The following SFTPA2 variants were observed in gnomAD, a reference collection of about 807,000 sequenced individuals.
The protein encoded by SFTPA2 is surfactant protein A2.
Under a neutral mutation model 20.3 loss-of-function variants are expected in SFTPA2, and 21 were observed. That is an observed-to-expected ratio of 1.03 (90% CI 0.73 to 1.49). The LOEUF (loss-of-function observed/expected upper bound fraction) is 1.49. SFTPA2 is among the 40% of genes most tolerant of loss of function. SFTPA2 has a pLI of 0.00. For synonymous variants in SFTPA2, 116 were observed against 118.7 expected (o/e 0.98, Z 0.15); for missense variants, 302 against 314.8 (o/e 0.96, Z 0.31).
rs17884561 is a variant in SFTPA2 at position 79,556,418 on chromosome 10, G to T, written c.*791C>A. 6,063 of 160,648 alleles carry T rather than the reference G, an allele frequency of 0.038. 427 individuals carry two copies. Among genetic ancestry groups the T allele is most frequent in the African/African-American group, 0.14 (5,700 of 41,550 alleles). The allele number at this position is 160,648 out of a possible 1,614,324, so 10.0% of individuals were successfully genotyped here. A position where few individuals can be genotyped will look rare whatever the true frequency, so the allele number is the denominator to read the frequency against. Reference sequence around the variant, plus strand: ...AGTGGAGCCGGTGGCATGGGGGGTGGTGTGAATGCCCACCGAGGTCTGAAG... The same window carrying T: ...AGTGGAGCCGGTGGCATGGGGGGTGTTGTGAATGCCCACCGAGGTCTGAAG... On this transcript the variant is annotated 3_prime_UTR_variant, in exon 6 of 6. Transcript: ENST00000372325.
Position 79,557,053 on chromosome 10 carries a change from T to A in SFTPA2, c.*156A>T. On this transcript the variant is annotated 3_prime_UTR_variant, in exon 6 of 6. Coordinates refer to ENST00000372325, the MANE Select transcript of SFTPA2 (RefSeq NM_001098668.4). Reference sequence around the variant, plus strand: ...GATTATGGGGAAGAGTCAGGGCCCATCAGGGGAATGAAGTGGCTAAGGGTG... The same window carrying A: ...GATTATGGGGAAGAGTCAGGGCCCAACAGGGGAATGAAGTGGCTAAGGGTG... 1 of 1,253,770 alleles carries A rather than the reference T, an allele frequency of 8.0e-7. No homozygotes were observed. Among genetic ancestry groups the A allele is most frequent in the Admixed American group, 2.1e-5 (1 of 47,504 alleles). The allele number at this position is 1,253,770 out of a possible 1,614,324, so 77.7% of individuals were successfully genotyped here.
Position 79,560,009 on chromosome 10 carries a change from A to C in SFTPA2, c.-53-11T>G. 1.7e-6 allele frequency: 2 copies of C among 1,163,204 alleles called. No individual in the cohort carries two copies. Among genetic ancestry groups the C allele is most frequent in the Non-Finnish European group, 1.1e-6 (1 of 937,902 alleles). 72.1% of individuals were successfully genotyped at this position (1,163,204 alleles called of 1,614,324 possible). A position where few individuals can be genotyped will look rare whatever the true frequency, so the allele number is the denominator to read the frequency against. On this transcript the variant is annotated splice_polypyrimidine_tract_variant and intron_variant, in intron 1 of 5. Coordinates refer to ENST00000372325, the MANE Select transcript of SFTPA2 (RefSeq NM_001098668.4). ...CAAGAAATCAGCGACCTGAGAATGA[A>C]AAGAGATGAATAGGGCCCACAGCCT...
chr10:79,557,319 G>A lies in SFTPA2; in HGVS notation c.637C>T (p.Arg213Ter), dbSNP rs149750535. ...GTPVNYTNWY[R>*]GEPAGRGKEQ... is the part of the protein sequence containing the mutation. ...TTTCCCCGACCTGCAGGCTCCCCTCGGTACCAGTTGGTGTAGTTTACAGGG... is the reference window on the plus strand; with the variant it reads ...TTTCCCCGACCTGCAGGCTCCCCTCAGTACCAGTTGGTGTAGTTTACAGGG... Residue 213 changes from arginine (R) to a stop codon, truncating the protein, a stop_gained, in exon 6 of 6, where the codon CGA (arginine) becomes TGA (stop). Coordinates refer to ENST00000372325, the MANE Select transcript of SFTPA2 (RefSeq NM_001098668.4). LOFTEE classifies it high-confidence loss of function. 1.6e-4 allele frequency: 259 copies of A among 1,613,314 alleles called. 2 individuals carry two copies. The highest frequency in any genetic ancestry group is 8.3e-4 in the South Asian group (76 of 91,080).
chr10:79,558,196 G>A, intron 4 of SFTPA2, 67 bp from the exon 5 acceptor site: 21 of 1,612,864 alleles, frequency 1.3e-5, no homozygotes, highest in East Asian at 8.9e-5. Flanking sequence ...TGCCACGCAG[G>A]CGTTTTGCCA....
At chr10:79,558,008 T>C in intron 5 of SFTPA2, 44 bp downstream of exon 5, 1 of 1,612,948 alleles carries the variant, frequency 6.2e-7, no homozygotes. Flanking sequence ...TGAGGGGAAT[T>C]TGTGGGAAAC....
intron 4 of SFTPA2, 145 bp downstream of exon 4, chr10:79,558,741 C>G (rs575092736): frequency 6.9e-7 from 1 of 1,439,782 alleles, no homozygotes; most frequent in South Asian, 1.2e-5. Context: ...CGGCTTTCTC[C>G]CTCAAATTCA....
At position 79,557,348 on chromosome 10, in the gene SFTPA2, C is replaced by T. The variant is rs749963472; in HGVS notation, c.608G>A (p.Gly203Glu). ...CCAGTTGGTGTAGTTTACAGGGGTCCCATCTGAGTAGCGGAAGTCTCCAGG... is the reference window on the plus strand; with the variant it reads ...CCAGTTGGTGTAGTTTACAGGGGTCTCATCTGAGTAGCGGAAGTCTCCAGG... ...PSPGDFRYSD[G>E]TPVNYTNWYR... Residue 203 changes from glycine to glutamate, a missense_variant, in exon 6 of 6, where the codon GGG (glycine) becomes GAG (glutamate). By Grantham distance (98) the Gly-to-Glu change is moderately conservative. Around this residue, in one of 3 missense-constraint regions of SFTPA2, gnomAD observed 264 missense variants for 261.7 expected, o/e 1.01. Coordinates refer to ENST00000372325, the MANE Select transcript of SFTPA2 (RefSeq NM_001098668.4). 22 of 1,614,142 alleles carry T rather than the reference C, an allele frequency of 1.4e-5. No individual in the cohort carries two copies. The South Asian group carries it at 2.2e-4, about 16-fold the overall frequency.
At chr10:79,559,716 G>C in intron 2 of SFTPA2, 3 of 1,548,264 alleles carry the variant, frequency 1.9e-6, no homozygotes, top group Non-Finnish European at 2.6e-6. Context: ...TGGAGGTTGT[G>C]GGGTCTCAAG....
At chr10:79,559,034 G>C (rs919822296) in intron 3 of SFTPA2, 29 bp from the exon 4 acceptor site, 3 of 1,614,064 alleles carry the variant, frequency 1.9e-6, no homozygotes, top group African/African-American at 2.7e-5. Context: ...TGGATGTGTA[G>C]GATCTGTCAC....
rs1482334513 is a variant in SFTPA2, at chr10:79,557,084, A to G, written c.*125T>C. On this transcript the variant is annotated 3_prime_UTR_variant, in exon 6 of 6. Coordinates refer to ENST00000372325, the MANE Select transcript of SFTPA2 (RefSeq NM_001098668.4). Reference sequence around the variant, plus strand: ...GAATGAAGTGGCTAAGGGTGCCTCCAGCTCTAATAGCCACAAGTGAATTCT... The same window carrying G: ...GAATGAAGTGGCTAAGGGTGCCTCCGGCTCTAATAGCCACAAGTGAATTCT... 5.2e-6 allele frequency: 8 copies of G among 1,540,130 alleles called. No homozygotes were observed. The highest frequency in any genetic ancestry group is 6.2e-6 in the Non-Finnish European group (7 of 1,129,416).
At chr10:79,558,672 C>T (rs1393231617) in intron 4 of SFTPA2, among the ~76,000 whole-genome samples, 1 of 152,172 alleles carries the variant, frequency 6.6e-6, no homozygotes, top group African/African-American at 2.4e-5. Context: ...GGTCATGAGG[C>T]ACGGAGGACT....
chr10:79,557,352 C>A lies in SFTPA2; in HGVS notation c.604G>T (p.Asp202Tyr). The A allele has an allele frequency of 6.2e-7, 1 of 1,614,178 alleles. No individual in the cohort carries two copies. The highest frequency in any genetic ancestry group is 8.5e-7 in the Non-Finnish European group (1 of 1,180,028). Residue 202 changes from aspartate to tyrosine, a missense_variant, in exon 6 of 6, where the codon GAT (aspartate) becomes TAT (tyrosine). Physicochemically the swap from Asp to Tyr is radical, Grantham distance 160. This residue lies in a region of SFTPA2 where 264 missense variants were observed against 261.7 expected (regional missense o/e 1.01). Coordinates refer to ENST00000372325, the MANE Select transcript of SFTPA2 (RefSeq NM_001098668.4). ...TTGGTGTAGTTTACAGGGGTCCCAT[C>A]TGAGTAGCGGAAGTCTCCAGGGCTG... ...GPSPGDFRYS[D>Y]GTPVNYTNWY...
At position 79,557,226 on chromosome 10, in the gene SFTPA2, T is replaced by C; in HGVS notation, c.730A>G (p.Thr244Ala). 6.2e-7 allele frequency: 1 copy of C among 1,614,162 alleles called. No homozygotes were observed. Among genetic ancestry groups the C allele is most frequent in the South Asian group, 1.1e-5 (1 of 91,080 alleles). Residue 244 changes from threonine (T) to alanine (A), a missense_variant, in exon 6 of 6, where the codon ACC becomes GCC. Coordinates refer to ENST00000372325, the MANE Select transcript of SFTPA2 (RefSeq NM_001098668.4). ...NDRNCLYSRL[T>A]ICEF ...AATGCCTCTCAGAACTCACAGATGG[T>C]CAGTCGGGAGTACAGGCAGTTCCTG...
Position 79,559,992 on chromosome 10 carries a change from C to A in SFTPA2, c.-47G>T, listed in dbSNP as rs937034173. 3.3e-6 allele frequency: 4 copies of A among 1,194,358 alleles called. No individual in the cohort carries two copies. In the African/African-American group the frequency reaches 6.2e-5, roughly 19 times the overall value. 74.0% of individuals were successfully genotyped at this position (1,194,358 alleles called of 1,614,324 possible). A position where few individuals can be genotyped will look rare whatever the true frequency, so the allele number is the denominator to read the frequency against. Reference sequence around the variant, plus strand: ...ACCTTCTTTTCAGGCTCCAAGAAATCAGCGACCTGAGAATGAAAAGAGATG... The same window carrying A: ...ACCTTCTTTTCAGGCTCCAAGAAATAAGCGACCTGAGAATGAAAAGAGATG... On this transcript the variant is annotated 5_prime_UTR_variant, in exon 2 of 6. Transcript: ENST00000372325.
At position 79,559,017 on chromosome 10, in the gene SFTPA2, A is replaced by C; in HGVS notation, c.173-12T>G. 6.2e-7 allele frequency: 1 copy of C among 1,614,178 alleles called. No individual in the cohort carries two copies. The highest frequency in any genetic ancestry group is 1.1e-5 in the South Asian group (1 of 91,084). ...CGGACCCATGGGGCCTGCAGAGAAA[A>C]GAGACATGGATGTGTAGGATCTGTC... is the stretch of plus-strand genomic sequence containing the variant. On this transcript the variant is annotated splice_polypyrimidine_tract_variant and intron_variant, in intron 3 of 5. Coordinates refer to ENST00000372325, the MANE Select transcript of SFTPA2 (RefSeq NM_001098668.4).
Position 79,557,311 on chromosome 10 carries a change from C to T in SFTPA2, c.645G>A (p.Glu215=). 2 of 1,613,548 alleles carry T rather than the reference C, an allele frequency of 1.2e-6. No homozygotes were observed. Among genetic ancestry groups the T allele is most frequent in the Non-Finnish European group, 1.7e-6 (2 of 1,179,474 alleles). The change falls in exon 6 of 6, where the codon GAG becomes GAA. Residue 215 remains glutamate, a synonymous_variant. Coordinates refer to ENST00000372325, the MANE Select transcript of SFTPA2 (RefSeq NM_001098668.4). ...ACTGCTCTTTTCCCCGACCTGCAGGCTCCCCTCGGTACCAGTTGGTGTAGT... is the reference window on the plus strand; with the variant it reads ...ACTGCTCTTTTCCCCGACCTGCAGGTTCCCCTCGGTACCAGTTGGTGTAGT... ...PVNYTNWYRG[E]PAGRGKEQCV...
intron 3 of SFTPA2, 70 bp from the exon 4 acceptor site, chr10:79,559,075 T>C (rs1859013207): frequency 1.2e-6 from 2 of 1,613,642 alleles, no homozygotes; most frequent in Non-Finnish European, 1.7e-6. Context: ...TGAGACTCGA[T>C]GCCCATTATC....
At position 79,557,367 on chromosome 10, in the gene SFTPA2, C is replaced by A. The variant is rs1858848399; in HGVS notation, c.589G>T (p.Asp197Tyr). 1 of 1,614,124 alleles carries A rather than the reference C, an allele frequency of 6.2e-7. No individual in the cohort carries two copies. The highest frequency in any genetic ancestry group is 8.5e-7 in the Non-Finnish European group (1 of 1,180,002). The change falls in exon 6 of 6, where the codon GAC becomes TAC. Residue 197 changes from aspartate to tyrosine, a missense_variant. Physicochemically the swap from Asp to Tyr is radical, Grantham distance 160. This residue lies in a region of SFTPA2 where 264 missense variants were observed against 261.7 expected (regional missense o/e 1.01). Coordinates refer to ENST00000372325, the MANE Select transcript of SFTPA2 (RefSeq NM_001098668.4). ...VGLTEGPSPG[D>Y]FRYSDGTPVN... is the part of the protein sequence containing the mutation. ...GGGGTCCCATCTGAGTAGCGGAAGT[C>A]TCCAGGGCTGGGACCCTCAGTCAGG...
chr10:79,558,273 T>G, intron 4 of SFTPA2, 144 bp from the exon 5 acceptor site: 2 of 1,551,572 alleles, frequency 1.3e-6, no homozygotes, highest in Non-Finnish European at 1.7e-6. Context: ...GCTCAGAGGG[T>G]CCACGAGATT....
Sources: allele counts gnomAD v4.1 joint callset (sites outside exome capture counted in the v4.1 genomes callset), GRCh38; gene constraint gnomAD v4.1.1; regional missense constraint gnomAD v4.1.1; transcripts MANE v1.5; gene names NCBI Gene and HGNC (gene_info 2026-07-23, HGNC 2026-07-21).